Variants in DISP1 observed in about 807,000 individuals in gnomAD.
DISP1 encodes dispatched RND transporter family member 1.
In DISP1, 30 loss-of-function variants were observed where a neutral mutation model predicts 37.3. The observed-to-expected ratio is 0.80, with a 90% CI of 0.60 to 1.09. The LOEUF (loss-of-function observed/expected upper bound fraction) is 1.09, where lower values mean the gene tolerates loss of function less well. DISP1 is among the 50% of genes least tolerant of loss of function. The pLI, the probability that DISP1 is intolerant of heterozygous loss-of-function variation, is 0.00. For synonymous variants in DISP1, 634 were observed against 690.2 expected (o/e 0.92, Z 1.28); for missense variants, 1,598 against 1,879.5 (o/e 0.85, Z 2.77).
At chr1:222,892,514 A>T (rs1670998044) in intron 1 of DISP1, among the ~76,000 whole-genome samples, 1 of 152,234 alleles carries the variant, frequency 6.6e-6, no homozygotes, top group Admixed American at 6.5e-5. Flanking sequence ...TCATTTGGAC[A>T]TGTGATTCTT....
chr1:223,000,810 C>G (rs536090989), intron 8 of DISP1, among the ~76,000 whole-genome samples: 38 of 152,194 alleles, frequency 2.5e-4, no homozygotes, highest in Non-Finnish European at 4.4e-4. Context: ...AGCTTCTGCT[C>G]TACTTTGAGA....
intron 3 of DISP1, among the ~76,000 whole-genome samples, chr1:222,976,182 C>T (rs1429839217): frequency 1.3e-5 from 2 of 151,842 alleles, no homozygotes; most frequent in African/African-American, 2.4e-5. Flanking sequence ...TTTTACTAGA[C>T]AAGACTAGTA....
chr1:222,841,743 T>C (rs1423373232), intron 1 of DISP1, among the ~76,000 whole-genome samples: 1 of 152,212 alleles, frequency 6.6e-6, no homozygotes, highest in African/African-American at 2.4e-5. Flanking sequence ...TATAAGCATA[T>C]TTGATGTCTG....
intron 2 of DISP1, among the ~76,000 whole-genome samples, chr1:222,930,250 A>C (rs1673315504): frequency 6.6e-6 from 1 of 152,146 alleles, no homozygotes; most frequent in Admixed American, 6.5e-5. Context: ...TATGATTCTT[A>C]TAACTCAGTG....
At chr1:222,862,007 A>G (rs1157409135) in intron 1 of DISP1, among the ~76,000 whole-genome samples, 1 of 152,180 alleles carries the variant, frequency 6.6e-6, no homozygotes, top group Admixed American at 6.5e-5. Context: ...TAATTTTGCG[A>G]CCTGTTTTTC....
intron 1 of DISP1, among the ~76,000 whole-genome samples, chr1:222,848,179 T>G (rs35979308): frequency 0.2 from 29,975 of 152,118 alleles, 3,561 homozygotes; most frequent in Non-Finnish European, 0.26. Flanking sequence ...ACATTGTTCT[T>G]TTACTATATT....
chr1:222,912,184 G>T (rs1672250414), intron 1 of DISP1, among the ~76,000 whole-genome samples: 1 of 150,476 alleles, frequency 6.6e-6, no homozygotes, highest in Non-Finnish European at 1.5e-5. Flanking sequence ...GAGGTTATAA[G>T]AAAAAAAAAT....
At chr1:222,858,337 T>A (rs1160932232) in intron 1 of DISP1, among the ~76,000 whole-genome samples, 1 of 152,080 alleles carries the variant, frequency 6.6e-6, no homozygotes, top group African/African-American at 2.4e-5. Context: ...ACTCAAGATG[T>A]ATCAAAGACT....
In DISP1 at chr1:222,985,986, G is replaced by A. The variant is rs149107420; in HGVS notation, c.539+2877G>A. ...AATGTCTTATCTTTAAGGGACAAGAGGAATAAGAAAGAGTTATTAAGAGAA... is the reference window on the plus strand; with the variant it reads ...AATGTCTTATCTTTAAGGGACAAGAAGAATAAGAAAGAGTTATTAAGAGAA... On this transcript the variant is annotated intron_variant, in intron 4 of 8. Coordinates refer to ENST00000675850, the MANE Select transcript of DISP1 (RefSeq NM_001377229.1). Among the ~76,000 whole-genome samples the A allele has an allele frequency of 2.9e-3, 436 of 152,198 alleles. 2 individuals carry two copies. The highest frequency in any genetic ancestry group is 1.0e-2 in the African/African-American group (414 of 41,534).
intron 3 of DISP1, among the ~76,000 whole-genome samples, chr1:222,951,727 G>A (rs1675236093): frequency 6.6e-6 from 1 of 152,184 alleles, no homozygotes; most frequent in Non-Finnish European, 1.5e-5. Context: ...TAAGTGTTAG[G>A]TGCTGGAGAC....
chr1:222,994,861 TC>T (rs1219287588), intron 7 of DISP1, 23 bp from the exon 8 acceptor site: 5 of 1,517,964 alleles, frequency 3.3e-6, no homozygotes, highest in Non-Finnish European at 4.6e-6. Context: ...CCTTTTTCTT[TC>T]CTTTTTTTTT....
intron 3 of DISP1, among the ~76,000 whole-genome samples, chr1:222,977,227 T>C (rs1329708396): frequency 6.6e-6 from 1 of 151,716 alleles, no homozygotes; most frequent in Non-Finnish European, 1.5e-5. Context: ...AGAGATGGGG[T>C]TTCTCCATGT....
chr1:222,841,150 A>C (rs899866997), intron 1 of DISP1, among the ~76,000 whole-genome samples: 4 of 152,190 alleles, frequency 2.6e-5, no homozygotes, highest in African/African-American at 9.7e-5. Flanking sequence ...AGTGTAGTAC[A>C]TACCTTTTTC....
At chr1:222,969,231 G>A (rs1481412574) in intron 3 of DISP1, among the ~76,000 whole-genome samples, 2 of 151,238 alleles carry the variant, frequency 1.3e-5, no homozygotes, top group East Asian at 2.0e-4. Context: ...TTAGCCAGGC[G>A]CAGTAGTGCA....
At chr1:222,914,730 A>C (rs1672398575) in intron 1 of DISP1, among the ~76,000 whole-genome samples, 1 of 152,172 alleles carries the variant, frequency 6.6e-6, no homozygotes, top group African/African-American at 2.4e-5. Flanking sequence ...AGGCCAAGGC[A>C]GGAGGATCTC....
intron 1 of DISP1, among the ~76,000 whole-genome samples, chr1:222,878,543 A>G (rs372913134): frequency 2.0e-5 from 3 of 152,278 alleles, no homozygotes; most frequent in South Asian, 4.1e-4. Context: ...TTGTATATTG[A>G]TGAATTAAAT....
intron 1 of DISP1, among the ~76,000 whole-genome samples, chr1:222,876,640 G>A (rs1406623459): frequency 1.3e-5 from 2 of 152,202 alleles, no homozygotes; most frequent in Non-Finnish European, 2.9e-5. Flanking sequence ...GCATTGAGCA[G>A]AAGAGTTGCA....
At chr1:222,818,154 G>C (rs959426940) in intron 1 of DISP1, among the ~76,000 whole-genome samples, 1 of 152,084 alleles carries the variant, frequency 6.6e-6, no homozygotes, top group Non-Finnish European at 1.5e-5. Context: ...GCATGGGGGG[G>C]TGGGGGAAGT....
chr1:222,948,860 G>A (rs1350168228), intron 3 of DISP1, among the ~76,000 whole-genome samples: 1 of 152,072 alleles, frequency 6.6e-6, no homozygotes, highest in Non-Finnish European at 1.5e-5. Context: ...ATTTGAAAGT[G>A]TTTTCTAAAG....
Sources: gnomAD v4.1 joint callset for allele counts (sites outside exome capture counted in the v4.1 genomes callset) on GRCh38, gnomAD v4.1.1 for gene constraint, MANE v1.5 for transcripts, NCBI Gene and HGNC (gene_info 2026-07-23, HGNC 2026-07-21) for gene names.